Variants in DNAH9 observed in about 807,000 individuals in gnomAD.
DNAH9 encodes the protein dynein axonemal heavy chain 9.
In DNAH9, 345 loss-of-function variants were observed where a neutral mutation model predicts 471.6. The observed-to-expected ratio is 0.73, with a 90% confidence interval of 0.67 to 0.80. The LOEUF is 0.80. Ranked by LOEUF, DNAH9 falls within the 30% of genes least tolerant of loss-of-function variation. DNAH9 has a pLI of 0.00. For synonymous variants in DNAH9, 2,093 were observed against 2,123.6 expected (o/e 0.99, Z 0.40); for missense variants, 5,407 against 5,609.2 (o/e 0.96, Z 1.15).
At chr17:11,603,023 C>T (rs1200965259) in intron 1 of DNAH9, among the ~76,000 whole-genome samples, 34 of 152,178 alleles carry the variant, frequency 2.2e-4, no homozygotes, top group Admixed American at 2.2e-3. Flanking sequence ...TCATCATACC[C>T]TTGCATCAGC....
intron 17 of DNAH9, among the ~76,000 whole-genome samples, chr17:11,670,017 A>C (rs530867534): frequency 1.9e-4 from 29 of 152,228 alleles, no homozygotes; most frequent in Non-Finnish European, 3.4e-4. Context: ...TTTCATGTCC[A>C]GTGTGTGAAA....
At chr17:11,826,483 CG>C (rs373515225) in intron 48 of DNAH9, among the ~76,000 whole-genome samples, 1,969 of 81,978 alleles carry the variant, frequency 0.024, 70 homozygotes, top group East Asian at 0.23. Context: ...TTTTTTGAGG[CG>C]GAGTCTTGCT....
intron 26 of DNAH9, among the ~76,000 whole-genome samples, chr17:11,708,014 C>CACACACACAG (rs1695492180): frequency 1.9e-5 from 1 of 52,154 alleles, no homozygotes; most frequent in African/African-American, 7.2e-5. Flanking sequence ...CACACACACA[C>CACACACACAG]AGAGAGAGAG....
In DNAH9 at chr17:11,704,497, A is replaced by G. The variant is rs1183293123; in HGVS notation, c.5391+55A>G. ...TTTTGTGTACAGCTACACTGAGAAC[A>G]GCACATACAGCCAAAATATGGGGGC... On this transcript the variant is annotated intron_variant, in intron 25 of 68. Coordinates refer to ENST00000262442, the MANE Select transcript of DNAH9 (RefSeq NM_001372.4). The G allele has an allele frequency of 1.9e-6, 3 of 1,577,356 alleles. No homozygotes were observed. In the African/African-American group the frequency reaches 4.0e-5, roughly 21 times the overall value.
intron 45 of DNAH9, among the ~76,000 whole-genome samples, chr17:11,815,454 C>T (rs1372644672): frequency 6.6e-6 from 1 of 152,158 alleles, no homozygotes; most frequent in Non-Finnish European, 1.5e-5. Context: ...TATCCCCACT[C>T]CAATCCATTC....
At chr17:11,721,269 GT>G (rs558464733) in intron 27 of DNAH9, among the ~76,000 whole-genome samples, 1 of 151,780 alleles carries the variant, frequency 6.6e-6, no homozygotes, top group East Asian at 1.9e-4. Flanking sequence ...TTTTTTGTTT[GT>G]TTTTTTGTTT....
intron 49 of DNAH9, among the ~76,000 whole-genome samples, chr17:11,835,459 A>G (rs1231887199): frequency 6.6e-6 from 1 of 152,258 alleles, no homozygotes; most frequent in African/African-American, 2.4e-5. Flanking sequence ...CTGTATGTCA[A>G]CTAAATTAAA....
chr17:11,948,760 A>G (rs947887168), intron 67 of DNAH9, among the ~76,000 whole-genome samples: 1 of 152,134 alleles, frequency 6.6e-6, no homozygotes, highest in African/African-American at 2.4e-5. Context: ...ACTTCTTCCC[A>G]TGTCCTCAGC....
At position 11,761,857 on chromosome 17, in the gene DNAH9, C is replaced by A. The variant is rs552727164; in HGVS notation, c.6996-1583C>A. Among the ~76,000 whole-genome samples, 17 of 152,242 alleles carry A rather than the reference C, an allele frequency of 1.1e-4. No homozygotes were observed. In the South Asian group the frequency reaches 3.5e-3, roughly 32 times the overall value. ...AGTACTCTGATTGCTAATTTCCAGG[C>A]CTTCCAGCCTTTCCACTTTGTCCTC... is the stretch of plus-strand genomic sequence containing the variant. On this transcript the variant is annotated intron_variant, in intron 35 of 68. Transcript: ENST00000262442.
At chr17:11,808,405 C>T (rs1969769255) in intron 44 of DNAH9, among the ~76,000 whole-genome samples, 1 of 152,040 alleles carries the variant, frequency 6.6e-6, no homozygotes, top group Non-Finnish European at 1.5e-5. Flanking sequence ...GTGTCCAGTC[C>T]GCTTTGTTTT....
At chr17:11,842,096 T>TA (rs1041585087) in intron 49 of DNAH9, among the ~76,000 whole-genome samples, 1 of 152,134 alleles carries the variant, frequency 6.6e-6, no homozygotes, top group South Asian at 2.1e-4. Context: ...TAACAAGTAA[T>TA]AAAAAAAGAT....
Position 11,652,858 on chromosome 17 carries a change from C to T in DNAH9, c.2451C>T (p.Ile817=). The change falls in exon 14 of 69, where the codon ATC becomes ATT. Residue 817 remains isoleucine, a synonymous_variant. Transcript: ENST00000262442. ...ACAATGTGGAAGAGATCCAAAACAT[C>T]ATGAAAACATGGGTGACTCCAATAT... The part of the protein sequence containing the change: ...TKDNVEEIQN[I]MKTWVTPIFK... 1 of 1,613,988 alleles carries T rather than the reference C, an allele frequency of 6.2e-7. No homozygotes were observed. The highest frequency in any genetic ancestry group is 8.5e-7 in the Non-Finnish European group (1 of 1,179,900).
At chr17:11,755,478 G>A (rs186505703) in intron 33 of DNAH9, among the ~76,000 whole-genome samples, 9 of 152,186 alleles carry the variant, frequency 5.9e-5, no homozygotes, top group South Asian at 4.1e-4. Flanking sequence ...CCATTTGTTC[G>A]TGTAATCTCT....
At chr17:11,656,878 C>T (rs188511343) in intron 14 of DNAH9, among the ~76,000 whole-genome samples, 3 of 152,038 alleles carry the variant, frequency 2.0e-5, no homozygotes, top group Admixed American at 2.0e-4. Flanking sequence ...AAAACTTAGC[C>T]TAGTGTTATT....
intron 67 of DNAH9, among the ~76,000 whole-genome samples, chr17:11,949,034 G>T (rs973081829): frequency 6.6e-6 from 1 of 152,166 alleles, no homozygotes; most frequent in Non-Finnish European, 1.5e-5. Flanking sequence ...CATTCCCAGA[G>T]GTATGAGTCC....
At position 11,676,848 on chromosome 17, in the gene DNAH9, A is replaced by AT. The variant is rs2074058076; in HGVS notation, c.3354-2905dup. Among the ~76,000 whole-genome samples the AT allele has an allele frequency of 2.0e-5, 3 of 152,146 alleles. No individual in the cohort carries two copies. In the South Asian group the frequency reaches 6.2e-4, roughly 32 times the overall value. ...AAATACAGTTTTACCTCCATCTTGC[A>AT]TTTTAGTATGTAATATTCTCATTAC... is the stretch of plus-strand genomic sequence containing the variant. On this transcript the variant is annotated intron_variant, in intron 17 of 68. Transcript: ENST00000262442.
In DNAH9 at chr17:11,598,511, G is replaced by T. The variant is rs996621074; in HGVS notation, c.13G>T (p.Glu5Ter). The change falls in exon 1 of 69, where the codon GAG (glutamate) becomes TAG (stop). Residue 5 changes from glutamate (E) to a stop codon, truncating the protein, a stop_gained. Coordinates refer to ENST00000262442, the MANE Select transcript of DNAH9 (RefSeq NM_001372.4). LOFTEE classifies it high-confidence loss of function. MRLA[E>*]ERAALAAENA... is the part of the protein sequence containing the mutation. The stretch of plus-strand genomic sequence containing the variant: ...GAGGCCGCGCGCGATGCGGCTCGCG[G>T]AGGAGCGGGCCGCGCTCGCGGCGGA... The T allele has an allele frequency of 1.5e-6, 2 of 1,350,180 alleles. No homozygotes were observed. Among genetic ancestry groups the T allele is most frequent in the Non-Finnish European group, 1.9e-6 (2 of 1,053,264 alleles). The allele number at this position is 1,350,180 out of a possible 1,614,324, so 83.6% of individuals were successfully genotyped here. A position where few individuals can be genotyped will look rare whatever the true frequency, so the allele number is the denominator to read the frequency against.
Position 11,822,048 on chromosome 17 carries a change from C to A in DNAH9, c.8836C>A (p.Arg2946=). 1 of 1,612,508 alleles carries A rather than the reference C, an allele frequency of 6.2e-7. No homozygotes were observed. Among genetic ancestry groups the A allele is most frequent in the Non-Finnish European group, 8.5e-7 (1 of 1,179,498 alleles). The change falls in exon 46 of 69, where the codon CGG becomes AGG. Residue 2946 remains arginine, a synonymous_variant. Coordinates refer to ENST00000262442, the MANE Select transcript of DNAH9 (RefSeq NM_001372.4). ...NCWKFFIDRI[R]RQLKVTLCFS... ...TTGGAAGTTCTTTATAGATCGGATC[C>A]GGCGACAGCTGAAGGTAAAGAGCAT... is the stretch of plus-strand genomic sequence containing the variant.
At chr17:11,732,249 G>T (rs973670518) in intron 28 of DNAH9, among the ~76,000 whole-genome samples, 1 of 152,160 alleles carries the variant, frequency 6.6e-6, no homozygotes. Flanking sequence ...AAGTTTAACT[G>T]GGGGGTCCCT....
Sources: allele counts gnomAD v4.1 joint callset (sites outside exome capture counted in the v4.1 genomes callset), GRCh38; gene constraint gnomAD v4.1.1; transcripts MANE v1.5; gene names NCBI Gene and HGNC (gene_info 2026-07-23, HGNC 2026-07-21).